The following TTC13 variants were observed in gnomAD, a reference collection of about 807,000 sequenced individuals.
TTC13 encodes the protein tetratricopeptide repeat domain 13, also known as tetratricopeptide repeat protein 13.
Under a neutral mutation model 120.0 loss-of-function variants are expected in TTC13, and 62 were observed. That is an observed-to-expected ratio of 0.52 (90% CI 0.42 to 0.64). TTC13 has a LOEUF of 0.64. TTC13 is among the 30% of genes least tolerant of loss of function. The pLI is 0.00. For missense variants in TTC13, 824 were observed against 1,050.2 expected (o/e 0.78, Z 2.98); for synonymous variants, 384 against 393.5 (o/e 0.98, Z 0.28).
intron 1 of TTC13, among the ~76,000 whole-genome samples, chr1:230,961,672 C>A (rs1298350603): frequency 6.6e-6 from 1 of 152,142 alleles, no homozygotes; most frequent in Non-Finnish European, 1.5e-5. Context: ...TTCCTCACCA[C>A]CATTCTCAAA....
In TTC13 at chr1:230,929,050, C is replaced by T. The variant is rs1553284861; in HGVS notation, c.1344G>A (p.Thr448=). 1.2e-6 allele frequency: 2 copies of T among 1,614,026 alleles called. No individual in the cohort carries two copies. The highest frequency in any genetic ancestry group is 1.7e-6 in the Non-Finnish European group (2 of 1,179,992). ...GCAGATCCACATCAATGTTATATTC[C>T]GTAAGGGGGGTATCAAGGTGTGCAT... ...YLHAHLDTPL[T]EYNIDVDLPG... Residue 448 remains threonine (T), a synonymous_variant, in exon 12 of 23, where the codon ACG becomes ACA. Coordinates refer to ENST00000366661, the MANE Select transcript of TTC13 (RefSeq NM_024525.5).
At chr1:230,910,889 C>G (rs1420649744) in intron 20 of TTC13, among the ~76,000 whole-genome samples, 1 of 152,234 alleles carries the variant, frequency 6.6e-6, no homozygotes, top group Non-Finnish European at 1.5e-5. Context: ...TTAAGTTCAA[C>G]TATGTGCCAG....
chr1:230,917,913 G>GTCCTTTC (rs1020157125), intron 17 of TTC13, among the ~76,000 whole-genome samples: 4 of 152,190 alleles, frequency 2.6e-5, no homozygotes, highest in African/African-American at 9.6e-5. Context: ...TTTCTATATG[G>GTCCTTTC]TACATCTCAG....
chr1:230,919,881 C>G (rs1672409434), intron 17 of TTC13, among the ~76,000 whole-genome samples: 1 of 152,230 alleles, frequency 6.6e-6, no homozygotes, highest in South Asian at 2.1e-4. Context: ...AGTAGCCACT[C>G]TCTGCTGAGC....
chr1:230,926,331 A>C (rs2102814134), intron 12 of TTC13, among the ~76,000 whole-genome samples: 1 of 152,268 alleles, frequency 6.6e-6, no homozygotes, highest in South Asian at 2.1e-4. Flanking sequence ...TCCTCTCCCA[A>C]GGAAGTCATA....
intron 20 of TTC13, among the ~76,000 whole-genome samples, chr1:230,909,672 A>G (rs558543953): frequency 9.2e-5 from 14 of 152,358 alleles, no homozygotes; most frequent in African/African-American, 3.1e-4. Flanking sequence ...AAGCATTAGA[A>G]ATGCTGGCCT....
intron 17 of TTC13, among the ~76,000 whole-genome samples, chr1:230,919,879 C>T (rs1672408553): frequency 6.6e-6 from 1 of 152,218 alleles, no homozygotes; most frequent in African/African-American, 2.4e-5. Flanking sequence ...ACAGTAGCCA[C>T]TCTCTGCTGA....
chr1:230,952,434 T>C (rs1420860605), intron 4 of TTC13, among the ~76,000 whole-genome samples: 1 of 152,194 alleles, frequency 6.6e-6, no homozygotes, highest in African/African-American at 2.4e-5. Context: ...TTCTTCTGCA[T>C]CTGAACTTTC....
chr1:230,910,010 A>T (rs1671346414), intron 20 of TTC13, among the ~76,000 whole-genome samples: 2 of 152,168 alleles, frequency 1.3e-5, no homozygotes, highest in African/African-American at 4.8e-5. Flanking sequence ...CACTATTGTA[A>T]CCACAGTGTT....
intron 3 of TTC13, among the ~76,000 whole-genome samples, chr1:230,958,010 A>G (rs1454139388): frequency 1.3e-5 from 2 of 148,458 alleles, no homozygotes; most frequent in Admixed American, 6.7e-5. Context: ...ATAGAAATGG[A>G]GAGCTGGAAA....
intron 2 of TTC13, 91 bp downstream of exon 2, chr1:230,961,118 C>T (rs1676597053): frequency 1.1e-6 from 1 of 944,926 alleles, no homozygotes; most frequent in Non-Finnish European, 1.6e-6. Context: ...CGAGGCCCAA[C>T]TTCTAGTTGA....
Position 230,911,580 on chromosome 1 carries a change from C to G in TTC13, c.2230-31G>C, listed in dbSNP as rs754953293. 2.8e-6 allele frequency: 4 copies of G among 1,410,170 alleles called. No individual in the cohort carries two copies. In the Admixed American group the frequency reaches 8.8e-5, roughly 31 times the overall value. 87.4% of individuals were successfully genotyped at this position (1,410,170 alleles called of 1,614,324 possible). On this transcript the variant is annotated intron_variant, in intron 19 of 22. Transcript: ENST00000366661. ...AAAAAAAGATACAGACTCATAAATA[C>G]TATAAAGATTACAAACTAATTTTTC...
intron 18 of TTC13, among the ~76,000 whole-genome samples, chr1:230,914,975 C>T (rs1439694169): frequency 2.0e-5 from 3 of 152,072 alleles, no homozygotes; most frequent in Non-Finnish European, 4.4e-5. Flanking sequence ...TGAGGATACA[C>T]ATCGTGGATG....
At chr1:230,910,425 G>A (rs1255811728) in intron 20 of TTC13, among the ~76,000 whole-genome samples, 1 of 152,238 alleles carries the variant, frequency 6.6e-6, no homozygotes, top group African/African-American at 2.4e-5. Context: ...GTTTTCAGAA[G>A]GTGCTGGAGA....
Position 230,911,462 on chromosome 1 carries a change from T to C in TTC13, c.2309+8A>G. ...TTAAAATAATTTTAATGACAGGATA[T>C]TACTTACCTGGATCCTCGAGAGAGT... is the stretch of plus-strand genomic sequence containing the variant. On this transcript the variant is annotated splice_region_variant and intron_variant, in intron 20 of 22. Transcript: ENST00000366661. The C allele has an allele frequency of 6.4e-7, 1 of 1,562,232 alleles. No homozygotes were observed. The highest frequency in any genetic ancestry group is 1.4e-5 in the African/African-American group (1 of 72,702).
At chr1:230,911,317 A>G in intron 20 of TTC13, 153 bp downstream of exon 20, 1 of 539,146 alleles carries the variant, frequency 1.9e-6, no homozygotes. Flanking sequence ...TGATAGACTA[A>G]GGAAATATTT....
chr1:230,939,639 T>C, intron 7 of TTC13, 143 bp from the exon 8 acceptor site: 2 of 533,064 alleles, frequency 3.8e-6, no homozygotes, highest in Non-Finnish European at 6.7e-6. Flanking sequence ...CATGACACTA[T>C]ATATTGGTTA....
At chr1:230,912,816 CAG>C (rs1558163718) in intron 18 of TTC13, 58 bp from the exon 19 acceptor site, 9 of 1,537,330 alleles carry the variant, frequency 5.9e-6, no homozygotes, top group Non-Finnish European at 7.9e-6. Flanking sequence ...CAGCCAAACA[CAG>C]AAAGTTTTTT....
intron 12 of TTC13, 112 bp from the exon 13 acceptor site, chr1:230,925,759 C>T (rs1467422631): frequency 1.5e-5 from 18 of 1,200,110 alleles, no homozygotes; most frequent in South Asian, 1.2e-4. Flanking sequence ...AAGCAGTCTA[C>T]GACCACATAA....
Sources: gnomAD v4.1 joint callset for allele counts (sites outside exome capture counted in the v4.1 genomes callset) on GRCh38, gnomAD v4.1.1 for gene constraint, MANE v1.5 for transcripts, NCBI Gene and HGNC (gene_info 2026-07-23, HGNC 2026-07-21) for gene names.